Variants in CLTCL1 observed in about 807,000 individuals in gnomAD.
CLTCL1 encodes the protein clathrin heavy chain 2.
In CLTCL1, 159 loss-of-function variants were observed where a neutral mutation model predicts 190.0. The ratio of observed to expected loss-of-function variants is 0.84; its 90% CI spans 0.74 to 0.95. The LOEUF (loss-of-function observed/expected upper bound fraction) is 0.95. CLTCL1 is among the 40% of genes least tolerant of loss of function. CLTCL1 has a pLI of 0.00. For missense variants in CLTCL1, 1,878 were observed against 2,033.4 expected, an observed-to-expected ratio of 0.92 and a Z score of 1.47; for synonymous variants, 752 against 769.6, an observed-to-expected ratio of 0.98 and a Z score of 0.38.
At chr22:19,291,525 G>T in intron 1 of CLTCL1, 75 bp downstream of exon 1, 2 of 1,237,918 alleles carry the variant, frequency 1.6e-6, no homozygotes, top group South Asian at 2.5e-5. Context: ...GGCTGGGGGC[G>T]CGGGGTCAAG....
chr22:19,201,001 C>T (rs782215481), intron 23 of CLTCL1, among the ~76,000 whole-genome samples: 4 of 152,168 alleles, frequency 2.6e-5, no homozygotes, highest in African/African-American at 4.8e-5. Context: ...AGACAATTTA[C>T]CAATTTGCCA....
chr22:19,281,408 T>C (rs2087711449), intron 1 of CLTCL1, among the ~76,000 whole-genome samples: 1 of 152,164 alleles, frequency 6.6e-6, no homozygotes, highest in Non-Finnish European at 1.5e-5. Context: ...GTTAAGATGA[T>C]AAATTTTATG....
At chr22:19,197,367 C>A (rs1207362044) in intron 24 of CLTCL1, among the ~76,000 whole-genome samples, 1 of 152,138 alleles carries the variant, frequency 6.6e-6, no homozygotes, top group Non-Finnish European at 1.5e-5. Context: ...TCTGCACCCC[C>A]CAATCAGCTA....
chr22:19,206,513 G>T (rs2085055076), intron 22 of CLTCL1, among the ~76,000 whole-genome samples: 1 of 151,956 alleles, frequency 6.6e-6, no homozygotes, highest in African/African-American at 2.4e-5. Flanking sequence ...CCAGAGTTGG[G>T]ATTAGAGGTG....
rs557583752 is a variant in CLTCL1, at chr22:19,243,446, C to T, written c.520-510G>A. On this transcript the variant is annotated intron_variant, in intron 3 of 32. Coordinates refer to ENST00000427926, the MANE Select transcript of CLTCL1 (RefSeq NM_007098.4). ...TAGTCTGGGCAACATAGCAAGACGC[C>T]ATCTCTACAAAAAAATAAGAAAATT... Among the ~76,000 whole-genome samples, 29 of 152,122 alleles carry T rather than the reference C, an allele frequency of 1.9e-4. 1 individual carries two copies. The highest frequency in any genetic ancestry group is 6.7e-4 in the African/African-American group (28 of 41,506).
chr22:19,243,929 C>T (rs781890757), intron 3 of CLTCL1, among the ~76,000 whole-genome samples: 4 of 151,950 alleles, frequency 2.6e-5, no homozygotes, highest in Non-Finnish European at 5.9e-5. Context: ...GATATCCTGA[C>T]GTCGTGATCT....
At chr22:19,275,386 G>A (rs2087465828) in intron 2 of CLTCL1, among the ~76,000 whole-genome samples, 1 of 151,970 alleles carries the variant, frequency 6.6e-6, no homozygotes, top group Non-Finnish European at 1.5e-5. Flanking sequence ...AAAGGCCTGG[G>A]CATTTTCTTC....
intron 2 of CLTCL1, among the ~76,000 whole-genome samples, chr22:19,267,736 A>G (rs967167571): frequency 3.9e-5 from 6 of 152,124 alleles, no homozygotes; most frequent in Non-Finnish European, 7.4e-5. Flanking sequence ...TCTACTAAGC[A>G]TACAAAAAAC....
intron 29 of CLTCL1, among the ~76,000 whole-genome samples, chr22:19,185,174 C>T (rs1407216176): frequency 2.6e-5 from 4 of 152,180 alleles, no homozygotes; most frequent in Admixed American, 1.3e-4. Flanking sequence ...TCTGGGGAGC[C>T]GCCTGTGCAC....
Position 19,219,940 on chromosome 22 carries a change from A to G in CLTCL1, c.2864T>C (p.Leu955Pro), listed in dbSNP as rs781968715. ...RYLVCRKDPE[L>P]WAHVLEETNP... ...GGTCTCCTCAAGGACGTGAGCCCAG[A>G]GCTCCGGATCCTTTCTGCATACCAG... The change falls in exon 18 of 33, where the codon CTC becomes CCC. Residue 955 changes from leucine to proline, a missense_variant. Leu to Pro is a moderately conservative substitution (Grantham distance 98). Transcript: ENST00000427926. 6.2e-7 allele frequency: 1 copy of G among 1,614,004 alleles called. No individual in the cohort carries two copies. The highest frequency in any genetic ancestry group is 1.7e-5 in the Admixed American group (1 of 60,014).
Position 19,210,507 on chromosome 22 carries a change from T to C in CLTCL1, c.3068A>G (p.Asn1023Ser). ...LDNSVFSEHR[N>S]LQNLLILTAI... ...AGTCAGGATCAACAGATTCTGTAGA[T>C]TCCTGAGGAGAGAGGGTGGTCAGCA... Residue 1023 changes from asparagine (N) to serine (S), a missense_variant and splice_region_variant, in exon 20 of 33, where the codon AAT becomes AGT. Asn to Ser is a conservative substitution (Grantham distance 46). Transcript: ENST00000427926. The C allele has an allele frequency of 1.2e-6, 2 of 1,612,374 alleles. No homozygotes were observed. Among genetic ancestry groups the C allele is most frequent in the Non-Finnish European group, 1.7e-6 (2 of 1,178,840 alleles).
At chr22:19,232,265 T>A (rs782064896) in intron 10 of CLTCL1, among the ~76,000 whole-genome samples, 3 of 152,012 alleles carry the variant, frequency 2.0e-5, no homozygotes, top group Non-Finnish European at 2.9e-5. Context: ...ACAAACATTC[T>A]CTAAAGTACT....
chr22:19,188,802 C>T (rs2084398039), intron 27 of CLTCL1, among the ~76,000 whole-genome samples: 1 of 151,818 alleles, frequency 6.6e-6, no homozygotes, highest in Non-Finnish European at 1.5e-5. Flanking sequence ...TTAGTAGAGA[C>T]AGGGTTTCAC....
intron 26 of CLTCL1, among the ~76,000 whole-genome samples, chr22:19,192,204 T>G (rs1555932721): frequency 6.6e-6 from 1 of 151,956 alleles, no homozygotes; most frequent in East Asian, 1.9e-4. Context: ...TAGCTGGGAC[T>G]ACAGGCAGCT....
At chr22:19,225,177 CTG>C (rs1190698077) in intron 13 of CLTCL1, among the ~76,000 whole-genome samples, 2 of 152,202 alleles carry the variant, frequency 1.3e-5, no homozygotes, top group African/African-American at 4.8e-5. Flanking sequence ...TCTTGCCAGA[CTG>C]TGCTGCGTAG....
At chr22:19,252,465 T>C (rs1168222914) in intron 3 of CLTCL1, among the ~76,000 whole-genome samples, 1 of 152,206 alleles carries the variant, frequency 6.6e-6, no homozygotes, top group East Asian at 1.9e-4. Flanking sequence ...AAGTGCACTT[T>C]AATAGCTAGC....
intron 2 of CLTCL1, chr22:19,258,374 C>T (rs886471449): frequency 2.4e-6 from 1 of 419,652 alleles, no homozygotes; most frequent in African/African-American, 2.0e-5. Context: ...TCACGCAGTC[C>T]ACCGAGATCA....
chr22:19,242,585 G>A (rs2086290238), intron 4 of CLTCL1, among the ~76,000 whole-genome samples, 190 bp downstream of exon 4: 1 of 152,132 alleles, frequency 6.6e-6, no homozygotes, highest in African/African-American at 2.4e-5. Flanking sequence ...GAGCCACCGC[G>A]CCCAGCCTGA....
chr22:19,284,467 C>T (rs2087832282), intron 1 of CLTCL1, among the ~76,000 whole-genome samples: 1 of 151,748 alleles, frequency 6.6e-6, no homozygotes, highest in African/African-American at 2.4e-5. Context: ...TGGAGACCAG[C>T]CTGGCCAACA....
Sources: gnomAD v4.1 joint callset for allele counts (sites outside exome capture counted in the v4.1 genomes callset) on GRCh38, gnomAD v4.1.1 for gene constraint, MANE v1.5 for transcripts, NCBI Gene and HGNC (gene_info 2026-07-23, HGNC 2026-07-21) for gene names.